Variants in GLA observed in about 807,000 individuals in gnomAD.
GLA encodes the protein alpha-galactosidase A.
A neutral mutation model predicts 28.2 loss-of-function variants in GLA; 4 were observed. The observed-to-expected ratio is 0.14, with a 90% confidence interval of 0.07 to 0.32. GLA has a LOEUF of 0.32. Ranked by LOEUF, GLA falls within the 10% of genes least tolerant of loss-of-function variation. The pLI, the probability that GLA is intolerant of heterozygous loss-of-function variation, is 1.00. For missense variants in GLA, 203 were observed against 323.7 expected (o/e 0.63, Z 2.86); for synonymous variants, 94 against 113.0 (o/e 0.83, Z 1.07).
In GLA at chrX:101,403,724, C is replaced by T. The variant is rs782758738; in HGVS notation, c.369+87G>A. 35 of 956,272 alleles carry T rather than the reference C, an allele frequency of 3.7e-5. No homozygotes were observed. The African/African-American group carries it at 4.2e-4, about 11-fold the overall frequency. 78.8% of individuals were successfully genotyped at this position (956,272 alleles called of 1,213,427 possible). ...GATTACAGGCGTGAGCCACCACGCC[C>T]GGCCATGAGGGCTGTTTCTAAACAA... On this transcript the variant is annotated intron_variant, in intron 2 of 6. Coordinates refer to ENST00000218516, the MANE Select transcript of GLA (RefSeq NM_000169.3).
At chrX:101,400,974 T>C in intron 3 of GLA, 1 of 268,876 alleles carries the variant, frequency 3.7e-6, no homozygotes, top group Non-Finnish European at 6.5e-6. Context: ...TAGCTGGGAT[T>C]ACAGGCATGT....
Position 101,403,835 on chromosome X carries a change from A to G in GLA, c.345T>C (p.His115=), listed in dbSNP as rs782260908. Residue 115 remains histidine (H), a synonymous_variant, in exon 2 of 7, where the codon CAT becomes CAC. Coordinates refer to ENST00000218516, the MANE Select transcript of GLA (RefSeq NM_000169.3). ...CATAATTAGCTAGCTGGCGAATCCC[A>G]TGAGGAAAGCGCTGAGGGTCTGCCT... The part of the protein sequence containing the change: ...RLQADPQRFP[H]GIRQLANYVH... 9.1e-6 allele frequency: 11 copies of G among 1,210,218 alleles called. No individual in the cohort carries two copies. The East Asian group carries it at 3.0e-4, about 33-fold the overall frequency.
chrX:101,406,211 CAAAAAAAAA>C (rs781880952), intron 1 of GLA, among the ~76,000 whole-genome samples: 1 of 35,688 alleles, frequency 2.8e-5, no homozygotes, highest in Admixed American at 3.5e-4. Context: ...GACCCCGTCT[CAAAAAAAAA>C]AAAAAAAAAA....
intron 4 of GLA, 95 bp downstream of exon 4, chrX:101,400,571 A>G (rs1928269330): frequency 3.8e-6 from 2 of 531,777 alleles, no homozygotes; most frequent in Non-Finnish European, 3.4e-6. Flanking sequence ...GATGATAGTA[A>G]GTAACGTTGG....
intron 1 of GLA, among the ~76,000 whole-genome samples, chrX:101,406,207 G>A (rs1193421769): frequency 3.7e-5 from 3 of 80,391 alleles, no homozygotes; most frequent in Non-Finnish European, 7.0e-5. Context: ...GCGAGACCCC[G>A]TCTCAAAAAA....
chrX:101,400,083 G>T (rs1303638236), intron 4 of GLA, among the ~76,000 whole-genome samples: 1 of 111,241 alleles, frequency 9.0e-6, no homozygotes, highest in East Asian at 2.8e-4. Flanking sequence ...GGGGAGGCAG[G>T]CAAGGGCTGG....
intron 3 of GLA, 75 bp from the exon 4 acceptor site, chrX:101,400,832 A>T: frequency 2.1e-6 from 1 of 482,781 alleles, no homozygotes; most frequent in Non-Finnish European, 3.5e-6. Flanking sequence ...TAGTTATTTT[A>T]TTTTATTTTA....
chrX:101,402,817 C>G (rs1348661323), intron 2 of GLA, among the ~76,000 whole-genome samples: 2 of 111,563 alleles, frequency 1.8e-5, no homozygotes, highest in Admixed American at 9.6e-5. Context: ...CATTTCTCTT[C>G]AATGATCTCC....
At chrX:101,405,906 A>C (rs2147483505) in intron 1 of GLA, among the ~76,000 whole-genome samples, 1 of 105,929 alleles carries the variant, frequency 9.4e-6, no homozygotes, top group South Asian at 4.4e-4. Context: ...TGACAGAGTG[A>C]GACCCCCTCT....
intron 5 of GLA, 52 bp from the exon 6 acceptor site, chrX:101,398,619 A>T: frequency 1.8e-6 from 2 of 1,081,779 alleles, no homozygotes; most frequent in Non-Finnish European, 2.6e-6. Context: ...ACATTCTTAA[A>T]GTTACCTAGA....
intron 1 of GLA, among the ~76,000 whole-genome samples, 182 bp from the exon 2 acceptor site, chrX:101,404,167 G>A (rs782538843): frequency 3.6e-5 from 4 of 111,990 alleles, no homozygotes; most frequent in East Asian, 2.8e-4. Context: ...CTCTTATCCC[G>A]TTAATATTCC....
At chrX:101,400,495 T>C (rs782400497) in intron 4 of GLA, among the ~76,000 whole-genome samples, 171 bp downstream of exon 4, 2 of 112,249 alleles carry the variant, frequency 1.8e-5, no homozygotes, top group South Asian at 7.4e-4. Context: ...CAGGTGATGG[T>C]AGCTTAGGCT....
At position 101,397,998 on chromosome X, in the gene GLA, G is replaced by A. The variant is rs1928129537; in HGVS notation, c.1101C>T (p.Ile367=). The part of the protein sequence containing the change: ...QEIGGPRSYT[I]AVASLGKGVA... ...CTCCTTTACCCAGGGAAGCAACTGC[G>A]ATGGTATAAGAGCGAGGTCCACCAA... The change falls in exon 7 of 7, where the codon ATC becomes ATT. Residue 367 remains isoleucine, a synonymous_variant. Coordinates refer to ENST00000218516, the MANE Select transcript of GLA (RefSeq NM_000169.3). The A allele has an allele frequency of 8.3e-7, 1 of 1,209,508 alleles. No individual in the cohort carries two copies. The highest frequency in any genetic ancestry group is 1.1e-6 in the Non-Finnish European group (1 of 893,555).
chrX:101,402,286 A>AT (rs1368285450), intron 2 of GLA, among the ~76,000 whole-genome samples: 2 of 111,803 alleles, frequency 1.8e-5, no homozygotes, highest in Non-Finnish European at 3.8e-5. Flanking sequence ...AATTTCCCTC[A>AT]TCCCCCACCC....
At position 101,400,535 on chromosome X, in the gene GLA, T is replaced by G. The variant is rs924396458; in HGVS notation, c.639+131A>C. 6.5e-5 allele frequency: 33 copies of G among 505,165 alleles called. No homozygotes were observed. In the Admixed American group the frequency reaches 8.9e-4, roughly 14 times the overall value. 41.6% of individuals were successfully genotyped at this position (505,165 alleles called of 1,213,427 possible). ...TTACAGCAGTGGGGATGGTGAGAAG[T>G]GGTTGGAACCTGGGAGAGATGGTAG... is the stretch of plus-strand genomic sequence containing the variant. On this transcript the variant is annotated intron_variant, in intron 4 of 6. Transcript: ENST00000218516.
chrX:101,404,490 T>A (rs1555986413), intron 1 of GLA, among the ~76,000 whole-genome samples: 1 of 111,401 alleles, frequency 9.0e-6, no homozygotes, highest in Non-Finnish European at 1.9e-5. Flanking sequence ...AAAAATAAGT[T>A]AATTTTCCCT....
chrX:101,403,349 T>C (rs1928385771), intron 2 of GLA, among the ~76,000 whole-genome samples: 1 of 109,114 alleles, frequency 9.2e-6, no homozygotes, highest in Non-Finnish European at 1.9e-5. Flanking sequence ...AAAGTCCACC[T>C]GATAAGCCTT....
chrX:101,401,967 G>T lies in GLA; in HGVS notation c.370-158C>A, dbSNP rs781873631. ...CCCCCAAAATCATCCAGATGAGTTT[G>T]TTGGAAGACAAAGAATAAATCCCCC... On this transcript the variant is annotated intron_variant, in intron 2 of 6. Coordinates refer to ENST00000218516, the MANE Select transcript of GLA (RefSeq NM_000169.3). Among the ~76,000 whole-genome samples, 6 of 112,495 alleles carry T rather than the reference G, an allele frequency of 5.3e-5. No homozygotes were observed. The South Asian group carries it at 2.2e-3, about 41-fold the overall frequency.
rs869312361 is a variant in GLA, at chrX:101,407,841, G to C, written c.63C>G (p.Leu21=). ...TAGCCCCAGGGATGTCCCAGGAAAC[G>C]AGGGCCAGGAAGCGAAGCGCAAGCG... The part of the protein sequence containing the change: ...GCALALRFLA[L]VSWDIPGARA... Residue 21 remains leucine, a synonymous_variant, in exon 1 of 7, where the codon CTC becomes CTG. Coordinates refer to ENST00000218516, the MANE Select transcript of GLA (RefSeq NM_000169.3). 3 of 1,211,447 alleles carry C rather than the reference G, an allele frequency of 2.5e-6. No homozygotes were observed. The highest frequency in any genetic ancestry group is 3.4e-6 in the Non-Finnish European group (3 of 895,036).
Sources: gnomAD v4.1 joint callset for allele counts (sites outside exome capture counted in the v4.1 genomes callset) on GRCh38, gnomAD v4.1.1 for gene constraint, MANE v1.5 for transcripts, NCBI Gene and HGNC (gene_info 2026-07-23, HGNC 2026-07-21) for gene names.